Variants in MICU2 observed in about 807,000 individuals in gnomAD.
The protein encoded by MICU2 is calcium uptake protein 2, mitochondrial.
MICU2 carries 64 observed loss-of-function variants against 60.4 expected under a neutral mutation model. The observed-to-expected ratio is 1.06, with a 90% CI of 0.87 to 1.31. The LOEUF (loss-of-function observed/expected upper bound fraction) is 1.31, where lower values mean the gene tolerates loss of function less well. Ranked by LOEUF, MICU2 falls within the 50% of genes most tolerant of loss-of-function variation. MICU2 has a pLI of 0.00. For missense variants in MICU2, 569 were observed against 531.0 expected (o/e 1.07, Z -0.70); for synonymous variants, 201 against 175.0 (o/e 1.15, Z -1.17).
chr13:21,503,173 T>C (rs1349473698), intron 8 of MICU2, 76 bp from the exon 9 acceptor site: 1 of 1,037,562 alleles, frequency 9.6e-7, no homozygotes, highest in Non-Finnish European at 1.4e-6. Context: ...GTCTGCAAAG[T>C]ACCTTCACTA....
intron 2 of MICU2, among the ~76,000 whole-genome samples, chr13:21,558,093 TAAC>T (rs1317849446): frequency 6.6e-6 from 1 of 152,230 alleles, no homozygotes; most frequent in Non-Finnish European, 1.5e-5. Context: ...TGAGTACTAT[TAAC>T]AATTCCCTGC....
intron 2 of MICU2, among the ~76,000 whole-genome samples, chr13:21,554,518 G>A (rs1164610929): frequency 6.6e-6 from 1 of 152,078 alleles, no homozygotes; most frequent in Non-Finnish European, 1.5e-5. Context: ...GAATCTCTGG[G>A]ACACATTCAA....
intron 6 of MICU2, among the ~76,000 whole-genome samples, chr13:21,517,340 AG>A (rs1314585653): frequency 1.3e-5 from 2 of 152,250 alleles, no homozygotes; most frequent in Non-Finnish European, 2.9e-5. Flanking sequence ...TTACTTTTGT[AG>A]TACATATATG....
chr13:21,569,863 C>T (rs1888069429), intron 1 of MICU2, among the ~76,000 whole-genome samples: 1 of 150,580 alleles, frequency 6.6e-6, no homozygotes, highest in Admixed American at 6.6e-5. Context: ...AGTTAACCAG[C>T]TTGCCTAGAT....
At chr13:21,508,106 C>A (rs1285866461) in intron 8 of MICU2, among the ~76,000 whole-genome samples, 1 of 151,424 alleles carries the variant, frequency 6.6e-6, no homozygotes, top group Non-Finnish European at 1.5e-5. Context: ...ATTGCCACTA[C>A]ACTAGTTCAA....
chr13:21,551,900 G>A (rs1333927821), intron 2 of MICU2, among the ~76,000 whole-genome samples: 22 of 152,070 alleles, frequency 1.4e-4, no homozygotes, highest in Non-Finnish European at 2.4e-4. Context: ...ACATACGTGT[G>A]CATGTGTCTT....
At chr13:21,592,253 A>T (rs1362386149) in intron 1 of MICU2, among the ~76,000 whole-genome samples, 3 of 152,214 alleles carry the variant, frequency 2.0e-5, no homozygotes, top group Non-Finnish European at 4.4e-5. Context: ...CAAATAAACT[A>T]GAAAATCTAG....
At chr13:21,552,220 C>A (rs1307327166) in intron 2 of MICU2, among the ~76,000 whole-genome samples, 2 of 152,190 alleles carry the variant, frequency 1.3e-5, no homozygotes, top group Non-Finnish European at 2.9e-5. Flanking sequence ...TTTTTGGCTG[C>A]ATAAATGTCT....
At chr13:21,514,975 G>A (rs1886531302) in intron 6 of MICU2, among the ~76,000 whole-genome samples, 1 of 151,974 alleles carries the variant, frequency 6.6e-6, no homozygotes, top group South Asian at 2.1e-4. Context: ...ATAGATACAT[G>A]TTCTTAGGCA....
At chr13:21,577,304 AC>A (rs1358883707) in intron 1 of MICU2, among the ~76,000 whole-genome samples, 1 of 152,226 alleles carries the variant, frequency 6.6e-6, no homozygotes, top group Non-Finnish European at 1.5e-5. Flanking sequence ...AAAACACCTT[AC>A]AAAGCTAAGC....
chr13:21,581,778 A>C (rs1888353532), intron 1 of MICU2, among the ~76,000 whole-genome samples: 1 of 152,202 alleles, frequency 6.6e-6, no homozygotes, highest in Non-Finnish European at 1.5e-5. Context: ...AACATGACTA[A>C]GTATGAAATG....
At chr13:21,493,869 C>A (rs761659967) in intron 11 of MICU2, among the ~76,000 whole-genome samples, 19 of 151,436 alleles carry the variant, frequency 1.3e-4, no homozygotes, top group Non-Finnish European at 2.4e-4. Context: ...GCTAAAAATA[C>A]ATGTGGATTA....
chr13:21,514,006 C>G (rs1886499367), intron 7 of MICU2, among the ~76,000 whole-genome samples: 1 of 151,966 alleles, frequency 6.6e-6, no homozygotes, highest in South Asian at 2.1e-4. Context: ...TCCTGTGCAC[C>G]ACCTGAAGTT....
chr13:21,499,093 G>C (rs1484219792), intron 9 of MICU2, among the ~76,000 whole-genome samples: 1 of 152,054 alleles, frequency 6.6e-6, no homozygotes, highest in African/African-American at 2.4e-5. Flanking sequence ...TGTGATTACA[G>C]GCATGCGCCA....
chr13:21,590,164 A>C (rs997968089), intron 1 of MICU2, among the ~76,000 whole-genome samples: 2 of 152,184 alleles, frequency 1.3e-5, no homozygotes, highest in African/African-American at 2.4e-5. Context: ...GGTCAAAATG[A>C]AGGAAAAACT....
intron 2 of MICU2, among the ~76,000 whole-genome samples, chr13:21,548,180 T>C (rs1204631481): frequency 4.6e-5 from 7 of 152,170 alleles, no homozygotes; most frequent in Admixed American, 6.5e-5. Context: ...TCATGATCCA[T>C]TATACAGAAA....
chr13:21,527,608 G>GAA (rs1300170583), intron 4 of MICU2, among the ~76,000 whole-genome samples: 3 of 152,176 alleles, frequency 2.0e-5, no homozygotes, highest in African/African-American at 7.2e-5. Context: ...TGACACACGA[G>GAA]AATATTGACA....
chr13:21,519,970 T>C (rs112655950), intron 6 of MICU2, among the ~76,000 whole-genome samples: 6 of 152,310 alleles, frequency 3.9e-5, no homozygotes, highest in African/African-American at 1.4e-4. Flanking sequence ...ATCTAAAATA[T>C]TTCCAGTACT....
intron 1 of MICU2, among the ~76,000 whole-genome samples, chr13:21,598,547 C>G (rs949180333): frequency 1.6e-4 from 25 of 152,198 alleles, no homozygotes; most frequent in African/African-American, 5.8e-4. Context: ...GAAACCCCGT[C>G]TCTACTAAAA....
Sources: gnomAD v4.1 joint callset for allele counts (sites outside exome capture counted in the v4.1 genomes callset) on GRCh38, gnomAD v4.1.1 for gene constraint, MANE v1.5 for transcripts, NCBI Gene and HGNC (gene_info 2026-07-23, HGNC 2026-07-21) for gene names.